The following PPFIA2 variants were observed in gnomAD, a reference collection of about 807,000 sequenced individuals.
The protein encoded by PPFIA2 is PPFI scaffold protein A2.
A neutral mutation model predicts 175.5 loss-of-function variants in PPFIA2; 46 were observed. The observed-to-expected ratio is 0.26, with a 90% CI of 0.21 to 0.34. The LOEUF is 0.34. PPFIA2 is among the 10% of genes least tolerant of loss of function. PPFIA2 has a pLI of 1.00. For missense variants in PPFIA2, 1,179 were observed against 1,506.1 expected, an observed-to-expected ratio of 0.78 and a Z score of 3.60; for synonymous variants, 568 against 511.4, an observed-to-expected ratio of 1.11 and a Z score of -1.49.
At chr12:81,267,198 CTT>C (rs71309549) in intron 29 of PPFIA2, 178 bp from the exon 30 acceptor site, 4,563 of 471,950 alleles carry the variant, frequency 9.7e-3, no homozygotes, top group East Asian at 0.014. Flanking sequence ...AAAAACAGGG[CTT>C]TTTTTTTTTT....
At position 81,759,328 on chromosome 12, in the gene PPFIA2, C is replaced by G. The variant is rs1249700543; in HGVS notation, c.-159G>C. On this transcript the variant is annotated 5_prime_UTR_variant, in exon 1 of 33. Coordinates refer to ENST00000549396, the MANE Select transcript of PPFIA2 (RefSeq NM_003625.5). ...TACAGCATCTTCTCTCCTCACTTGC[C>G]TCGTGCGGTGGCTGCTACTCCTCCT... is the stretch of plus-strand genomic sequence containing the variant. The G allele has an allele frequency of 1.3e-5, 2 of 152,264 alleles. No homozygotes were observed. The highest frequency in any genetic ancestry group is 2.4e-5 in the African/African-American group (1 of 41,384). 9.4% of individuals were successfully genotyped at this position (152,264 alleles called of 1,614,324 possible). A position where few individuals can be genotyped will look rare whatever the true frequency, so the allele number is the denominator to read the frequency against.
intron 4 of PPFIA2, among the ~76,000 whole-genome samples, chr12:81,592,279 G>A (rs776398924): frequency 2.0e-5 from 3 of 152,170 alleles, no homozygotes; most frequent in Non-Finnish European, 4.4e-5. Context: ...ATAGGCAGAA[G>A]AAACTTGCCT....
chr12:81,287,595 C>A (rs2043793992), intron 24 of PPFIA2, among the ~76,000 whole-genome samples: 1 of 151,942 alleles, frequency 6.6e-6, no homozygotes, highest in Non-Finnish European at 1.5e-5. Flanking sequence ...TTCTACACAA[C>A]CTAGTCAAGT....
chr12:81,405,701 A>T (rs377525505), intron 8 of PPFIA2, 86 bp downstream of exon 8: 6 of 753,752 alleles, frequency 8.0e-6, no homozygotes, highest in Middle Eastern at 2.4e-4. Flanking sequence ...TACTAAAAAA[A>T]TGTTCATTAT....
intron 3 of PPFIA2, among the ~76,000 whole-genome samples, chr12:81,685,140 A>C (rs2074247171): frequency 6.6e-6 from 1 of 152,074 alleles, no homozygotes; most frequent in Admixed American, 6.6e-5. Flanking sequence ...ATAGAAGATA[A>C]AATTTATTTT....
chr12:81,453,706 C>T (rs541347582), intron 5 of PPFIA2, among the ~76,000 whole-genome samples: 2 of 151,874 alleles, frequency 1.3e-5, no homozygotes, highest in Admixed American at 1.3e-4. Flanking sequence ...TTAGGATATT[C>T]TTAATTTAAT....
intron 7 of PPFIA2, among the ~76,000 whole-genome samples, chr12:81,419,265 C>G (rs149429667): frequency 6.6e-6 from 1 of 152,068 alleles, no homozygotes; most frequent in Non-Finnish European, 1.5e-5. Context: ...CAACTACGCT[C>G]TGCCTCAATT....
intron 3 of PPFIA2, among the ~76,000 whole-genome samples, chr12:81,753,473 G>A (rs1198316757): frequency 6.7e-6 from 1 of 149,602 alleles, no homozygotes; most frequent in Non-Finnish European, 1.5e-5. Flanking sequence ...TTTCCCAAGG[G>A]AGAGGATAAT....
At chr12:81,521,537 T>C (rs1267717260) in intron 4 of PPFIA2, among the ~76,000 whole-genome samples, 1 of 151,714 alleles carries the variant, frequency 6.6e-6, no homozygotes, top group Non-Finnish European at 1.5e-5. Context: ...GTGTTTGAAG[T>C]ATTCATAGCC....
chr12:81,264,218 T>C (rs2036527981), intron 30 of PPFIA2, among the ~76,000 whole-genome samples: 1 of 152,158 alleles, frequency 6.6e-6, no homozygotes, highest in Non-Finnish European at 1.5e-5. Flanking sequence ...TGAATCCACA[T>C]TTTAGAATGT....
chr12:81,296,893 G>T (rs554935227), intron 23 of PPFIA2: 1 of 151,944 alleles, frequency 6.6e-6, no homozygotes, highest in African/African-American at 2.4e-5. Context: ...CCTTCTTTTG[G>T]GGGTAGGATT....
chr12:81,456,666 T>G (rs1222567604), intron 5 of PPFIA2, among the ~76,000 whole-genome samples: 1 of 152,178 alleles, frequency 6.6e-6, no homozygotes, highest in Non-Finnish European at 1.5e-5. Flanking sequence ...ATAGAAGTGG[T>G]TTTTTTCTAC....
rs59963162 is a variant in PPFIA2, at chr12:81,609,811, C to G, written c.303+66980G>C. On this transcript the variant is annotated intron_variant, in intron 4 of 32. Transcript: ENST00000549396. ...TGATATGTGTGATTTTTGATCCTGT[C>G]ATTATGTTGCTAGCTGGTTGCTATG... 6.4e-3 allele frequency among the ~76,000 whole-genome samples: 970 copies of G among 152,156 alleles called. 38 individuals carry two copies. In the East Asian group the frequency reaches 0.095, roughly 15 times the overall value.
At chr12:81,277,982 AT>A (rs2040985953) in intron 27 of PPFIA2, among the ~76,000 whole-genome samples, 1 of 152,196 alleles carries the variant, frequency 6.6e-6, no homozygotes, top group South Asian at 2.1e-4. Flanking sequence ...AAATTGATTG[AT>A]CCTTAAAGTA....
chr12:81,677,433 A>G (rs1396606245), intron 3 of PPFIA2, among the ~76,000 whole-genome samples: 1 of 151,936 alleles, frequency 6.6e-6, no homozygotes, highest in Non-Finnish European at 1.5e-5. Flanking sequence ...ACTGAACATT[A>G]TATCTTATTC....
intron 4 of PPFIA2, among the ~76,000 whole-genome samples, chr12:81,533,347 T>A (rs2064867867): frequency 6.6e-6 from 1 of 151,698 alleles, no homozygotes; most frequent in Non-Finnish European, 1.5e-5. Context: ...ATTTATCAAA[T>A]TTATGCATAT....
At chr12:81,395,283 T>G (rs1053457241) in intron 8 of PPFIA2, among the ~76,000 whole-genome samples, 1 of 152,048 alleles carries the variant, frequency 6.6e-6, no homozygotes, top group East Asian at 1.9e-4. Context: ...ATGGGAAAAA[T>G]TAAACAATTT....
intron 16 of PPFIA2, among the ~76,000 whole-genome samples, chr12:81,354,394 G>T (rs2060531829): frequency 6.6e-6 from 1 of 152,136 alleles, no homozygotes; most frequent in African/African-American, 2.4e-5. Context: ...ACCAAGAGTA[G>T]TTACCATCTT....
At chr12:81,384,944 A>G (rs902986933) in intron 8 of PPFIA2, among the ~76,000 whole-genome samples, 4 of 152,112 alleles carry the variant, frequency 2.6e-5, no homozygotes, top group African/African-American at 4.8e-5. Context: ...TTCTAAAAAT[A>G]TGTCTTCAGA....
Sources: allele counts gnomAD v4.1 joint callset (sites outside exome capture counted in the v4.1 genomes callset), GRCh38; gene constraint gnomAD v4.1.1; transcripts MANE v1.5; gene names NCBI Gene and HGNC (gene_info 2026-07-23, HGNC 2026-07-21).